Variants in DIRAS2 observed in about 807,000 individuals in gnomAD.
DIRAS2 encodes the protein GTP-binding protein Di-Ras2.
DIRAS2 carries 5 observed loss-of-function variants against 13.9 expected under a neutral mutation model. The observed-to-expected ratio is 0.36, with a 90% confidence interval of 0.19 to 0.76. DIRAS2 has a LOEUF of 0.76. Among genes scored for constraint, DIRAS2 ranks in the 30% least tolerant of loss-of-function variants. The pLI is 0.53. For missense variants in DIRAS2, 191 were observed against 263.0 expected (o/e 0.73, Z 1.89); for synonymous variants, 111 against 105.4 (o/e 1.05, Z -0.33).
intron 1 of DIRAS2, among the ~76,000 whole-genome samples, chr9:90,617,443 A>G (rs1825180088): frequency 6.6e-6 from 1 of 152,230 alleles, no homozygotes; most frequent in Admixed American, 6.5e-5. Flanking sequence ...GGAGAATACC[A>G]CATGCCCAAT....
intron 1 of DIRAS2, among the ~76,000 whole-genome samples, chr9:90,628,041 A>G (rs1287498907): frequency 2.0e-4 from 12 of 58,982 alleles, no homozygotes; most frequent in Middle Eastern, 0.012. Flanking sequence ...AAAGAAAAAG[A>G]AAAAAAAATA....
chr9:90,640,589 T>C (rs948879901), intron 1 of DIRAS2, among the ~76,000 whole-genome samples: 2 of 152,220 alleles, frequency 1.3e-5, no homozygotes, highest in Non-Finnish European at 2.9e-5. Flanking sequence ...ATCAGTGTCC[T>C]ACAAATCAGT....
In DIRAS2 at chr9:90,621,937, C is replaced by A. The variant is rs538712601; in HGVS notation, c.-36-8074G>T. Among the ~76,000 whole-genome samples, 6 of 152,276 alleles carry A rather than the reference C, an allele frequency of 3.9e-5. No individual in the cohort carries two copies. In the South Asian group the frequency reaches 1.0e-3, roughly 26 times the overall value. ...GTTCAAAATATATATGTGTTCTGTG[C>A]TTTGCCACAGCCTGTTTCTAAATCC... On this transcript the variant is annotated intron_variant, in intron 1 of 1. Transcript: ENST00000375765.
chr9:90,621,937 C>T (rs538712601), intron 1 of DIRAS2, among the ~76,000 whole-genome samples: 4 of 152,158 alleles, frequency 2.6e-5, no homozygotes, highest in Admixed American at 6.5e-5. Context: ...GTGTTCTGTG[C>T]TTTGCCACAG....
In DIRAS2 at chr9:90,612,711, C is replaced by T. The variant is rs1825126109; in HGVS notation, c.*517G>A. The T allele has an allele frequency of 6.3e-6, 1 of 157,690 alleles. No individual in the cohort carries two copies. Among genetic ancestry groups the T allele is most frequent in the South Asian group, 1.9e-4 (1 of 5,222 alleles). 9.8% of individuals were successfully genotyped at this position (157,690 alleles called of 1,614,324 possible). A position where few individuals can be genotyped will look rare whatever the true frequency, so the allele number is the denominator to read the frequency against. On this transcript the variant is annotated 3_prime_UTR_variant, in exon 2 of 2. Transcript: ENST00000375765. Reference sequence around the variant, plus strand: ...GAACGGACACCCTTTGGGGGAGAGGCTGTGTTTTTTAATCCCCTTTAAAAA... The same window carrying T: ...GAACGGACACCCTTTGGGGGAGAGGTTGTGTTTTTTAATCCCCTTTAAAAA...
intron 1 of DIRAS2, among the ~76,000 whole-genome samples, chr9:90,628,285 T>A (rs1358945612): frequency 1.3e-5 from 2 of 152,264 alleles, no homozygotes; most frequent in African/African-American, 4.8e-5. Flanking sequence ...CTGCCCTGGA[T>A]TTTGAAAACT....
intron 1 of DIRAS2, among the ~76,000 whole-genome samples, chr9:90,640,974 C>T (rs913972293): frequency 2.0e-5 from 3 of 152,088 alleles, no homozygotes; most frequent in African/African-American, 7.2e-5. Flanking sequence ...GACAAAAGCA[C>T]CCCAGTTGTT....
chr9:90,624,670 T>A (rs1247808406), intron 1 of DIRAS2, among the ~76,000 whole-genome samples: 1 of 152,122 alleles, frequency 6.6e-6, no homozygotes, highest in Admixed American at 6.5e-5. Context: ...GGGGAACATA[T>A]GATGGCCAAA....
intron 1 of DIRAS2, among the ~76,000 whole-genome samples, chr9:90,627,849 C>T (rs375817961): frequency 7.2e-5 from 11 of 152,044 alleles, no homozygotes; most frequent in African/African-American, 2.4e-4. Context: ...ACAGTAAAAA[C>T]AGCAAGGGTC....
rs769748046 is a variant in DIRAS2, at chr9:90,613,488, T to C, written c.340A>G (p.Ile114Val). 1 of 1,614,084 alleles carries C rather than the reference T, an allele frequency of 6.2e-7. No homozygotes were observed. The highest frequency in any genetic ancestry group is 8.5e-7 in the Non-Finnish European group (1 of 1,180,020). The change falls in exon 2 of 2, where the codon ATC (isoleucine) becomes GTC (valine). Residue 114 changes from isoleucine to valine, a missense_variant. Physicochemically the swap from Ile to Val is conservative, Grantham distance 29. Transcript: ENST00000375765. The surrounding 1 kb of genome is among the most constrained non-coding windows in gnomAD (Gnocchi z 5.6). ...ICEIKGDVESIPIMLVGNKCD... is the reference protein window; with the variant it reads ...ICEIKGDVESVPIMLVGNKCD... ...TTGTTCCCCACCAGCATGATGGGGA[T>C]GCTCTCCACGTCCCCTTTGATCTCG...
chr9:90,626,009 C>A (rs1825265115), intron 1 of DIRAS2: 1 of 152,072 alleles, frequency 6.6e-6, no homozygotes, highest in Admixed American at 6.6e-5. Context: ...TGGTGAAACC[C>A]CATCTCTACT....
intron 1 of DIRAS2, among the ~76,000 whole-genome samples, chr9:90,636,363 T>C (rs1341018529): frequency 6.6e-6 from 1 of 152,082 alleles, no homozygotes; most frequent in African/African-American, 2.4e-5. Flanking sequence ...AGGGTGTGGA[T>C]AAGATGGTTT....
chr9:90,638,636 ATGTG>A (rs10599969), intron 1 of DIRAS2, among the ~76,000 whole-genome samples: 109 of 148,660 alleles, frequency 7.3e-4, no homozygotes, highest in Middle Eastern at 3.5e-3. Context: ...TCCATTGATC[ATGTG>A]TGTGTGTGTG....
Position 90,610,484 on chromosome 9 carries a change from G to A in DIRAS2, c.*2744C>T. The A allele has an allele frequency of 2.5e-6, 1 of 398,992 alleles. No homozygotes were observed. 24.7% of individuals were successfully genotyped at this position (398,992 alleles called of 1,614,324 possible). On this transcript the variant is annotated 3_prime_UTR_variant, in exon 2 of 2. Coordinates refer to ENST00000375765, the MANE Select transcript of DIRAS2 (RefSeq NM_017594.5). ...GGAAGTCATGGAGCCCCATGCTCAT[G>A]CCCAGAGCGCCATCTTCAAAGCAAT... is the stretch of plus-strand genomic sequence containing the variant.
intron 1 of DIRAS2, among the ~76,000 whole-genome samples, chr9:90,636,256 T>C (rs1825370124): frequency 6.6e-6 from 1 of 151,938 alleles, no homozygotes; most frequent in Non-Finnish European, 1.5e-5. Context: ...GCCAGGATGG[T>C]CTCCATCTCC....
At chr9:90,621,290 G>T (rs558494429) in intron 1 of DIRAS2, among the ~76,000 whole-genome samples, 1 of 152,270 alleles carries the variant, frequency 6.6e-6, no homozygotes, top group South Asian at 2.1e-4. Context: ...CAGGGTTAGA[G>T]AGGTAGGAAA....
At chr9:90,633,149 C>T (rs1825342085) in intron 1 of DIRAS2, among the ~76,000 whole-genome samples, 1 of 152,290 alleles carries the variant, frequency 6.6e-6, no homozygotes, top group Admixed American at 6.5e-5. Context: ...TTGTAGAGGG[C>T]AGAGGGCAGC....
At chr9:90,629,281 T>A (rs1235878009) in intron 1 of DIRAS2, among the ~76,000 whole-genome samples, 1 of 152,226 alleles carries the variant, frequency 6.6e-6, no homozygotes, top group Non-Finnish European at 1.5e-5. Context: ...ATCTCTATAC[T>A]CTTTCCAGCA....
At chr9:90,628,712 A>T (rs1401287416) in intron 1 of DIRAS2, among the ~76,000 whole-genome samples, 1 of 152,044 alleles carries the variant, frequency 6.6e-6, no homozygotes, top group Non-Finnish European at 1.5e-5. Flanking sequence ...CACCTGGCTC[A>T]CTTTTTGTAT....
Sources: allele counts gnomAD v4.1 joint callset (sites outside exome capture counted in the v4.1 genomes callset), GRCh38; gene constraint gnomAD v4.1.1; non-coding constraint Gnocchi (gnomAD v3.1); transcripts MANE v1.5; gene names NCBI Gene and HGNC (gene_info 2026-07-23, HGNC 2026-07-21).